The following KCNN3 variants were observed in gnomAD, a reference collection of about 807,000 sequenced individuals.
KCNN3 encodes small conductance calcium-activated potassium channel protein 3.
A neutral mutation model predicts 62.9 loss-of-function variants in KCNN3; 16 were observed. That is an observed-to-expected ratio of 0.25 (90% CI 0.17 to 0.39). KCNN3 has a LOEUF of 0.39. Among genes scored for constraint, KCNN3 ranks in the 10% least tolerant of loss-of-function variants. The probability of loss-of-function intolerance (pLI) is 1.00; values close to 1 mark genes in which losing one functional copy is unlikely to be tolerated. For missense variants in KCNN3, 599 were observed against 949.4 expected (o/e 0.63, Z 4.85); for synonymous variants, 370 against 389.2 (o/e 0.95, Z 0.58).
In KCNN3 at chr1:154,701,895, T is replaced by C. The variant is rs747207397; in HGVS notation, c.*6081A>G. ...TACAGGAAAACAGGACTCTTTCTTA[T>C]GTCCAATTCTGACATTGTCAAAGGA... is the stretch of plus-strand genomic sequence containing the variant. On this transcript the variant is annotated 3_prime_UTR_variant, in exon 8 of 8. Coordinates refer to ENST00000271915, the MANE Select transcript of KCNN3 (RefSeq NM_002249.6). 1.3e-5 allele frequency: 2 copies of C among 152,360 alleles called. No homozygotes were observed. The highest frequency in any genetic ancestry group is 4.1e-4 in the South Asian group (2 of 4,822). 9.4% of individuals were successfully genotyped at this position (152,360 alleles called of 1,614,324 possible).
chr1:154,825,212 A>C (rs1651055540), intron 1 of KCNN3, among the ~76,000 whole-genome samples: 1 of 152,096 alleles, frequency 6.6e-6, no homozygotes, highest in Non-Finnish European at 1.5e-5. Flanking sequence ...ACTCACTCCT[A>C]TCTGAGGACC....
chr1:154,756,587 C>T (rs1353388587), intron 3 of KCNN3, among the ~76,000 whole-genome samples: 1 of 152,088 alleles, frequency 6.6e-6, no homozygotes, highest in African/African-American at 2.4e-5. Context: ...AGAAGGCTCA[C>T]CCTCTTGGTC....
Position 154,703,653 on chromosome 1 carries a change from T to G in KCNN3, c.*4323A>C, listed in dbSNP as rs1027678469. 1 of 152,052 alleles carries G rather than the reference T, an allele frequency of 6.6e-6. No homozygotes were observed. Among genetic ancestry groups the G allele is most frequent in the African/African-American group, 2.4e-5 (1 of 41,374 alleles). 9.4% of individuals were successfully genotyped at this position (152,052 alleles called of 1,614,324 possible). ...TGAAACATTGATTCTTAATTTGGAG[T>G]GTACTGTTTGTTGAGTTGCACTCTG... On this transcript the variant is annotated 3_prime_UTR_variant, in exon 8 of 8. Transcript: ENST00000271915.
intron 2 of KCNN3, among the ~76,000 whole-genome samples, chr1:154,784,673 C>A (rs1325279204): frequency 6.6e-6 from 1 of 152,238 alleles, no homozygotes; most frequent in African/African-American, 2.4e-5. Flanking sequence ...GCCCCCGTTT[C>A]AGGGGGCGGA....
chr1:154,736,196 G>A (rs1248631070), intron 3 of KCNN3, among the ~76,000 whole-genome samples: 1 of 152,176 alleles, frequency 6.6e-6, no homozygotes. Flanking sequence ...CCAATGATGG[G>A]AGGATTAAGT....
chr1:154,857,823 TAATA>T (rs1159353313), intron 1 of KCNN3, among the ~76,000 whole-genome samples: 1 of 152,226 alleles, frequency 6.6e-6, no homozygotes, highest in African/African-American at 2.4e-5. Flanking sequence ...AGTAGGCCCT[TAATA>T]AATATTCTCT....
intron 2 of KCNN3, among the ~76,000 whole-genome samples, chr1:154,780,719 T>C (rs1649005838): frequency 6.6e-6 from 1 of 151,982 alleles, no homozygotes; most frequent in South Asian, 2.1e-4. Flanking sequence ...TAATTAGGTT[T>C]CCCTGAGGAC....
intron 1 of KCNN3, among the ~76,000 whole-genome samples, chr1:154,825,435 A>G (rs1444854206): frequency 7.0e-6 from 1 of 142,040 alleles, no homozygotes; most frequent in Non-Finnish European, 1.5e-5. Context: ...GCACGATCTC[A>G]GCTCACTGCA....
chr1:154,760,645 G>T lies in KCNN3; in HGVS notation c.1448+11330C>A, dbSNP rs557757785. Among the ~76,000 whole-genome samples, 362 of 152,264 alleles carry T rather than the reference G, an allele frequency of 2.4e-3. 4 individuals carry two copies. Among genetic ancestry groups the T allele is most frequent in the Admixed American group, 4.3e-3 (66 of 15,304 alleles). ...CTCTCCCGGGCCCCGGCCTCTCCAC[G>T]ACCGCCTGGCCGCGCGGGAACCACC... On this transcript the variant is annotated intron_variant, in intron 3 of 7. Transcript: ENST00000271915.
chr1:154,747,167 G>A (rs941176208), intron 3 of KCNN3, among the ~76,000 whole-genome samples: 13 of 152,160 alleles, frequency 8.5e-5, no homozygotes, highest in African/African-American at 3.1e-4. Flanking sequence ...GTCCGGTGGA[G>A]GTTGGCTCCT....
intron 2 of KCNN3, among the ~76,000 whole-genome samples, chr1:154,787,592 C>T (rs1649337520): frequency 6.6e-6 from 1 of 152,154 alleles, no homozygotes; most frequent in African/African-American, 2.4e-5. Flanking sequence ...ATTTGCAATT[C>T]GGGGTCTGTG....
intron 2 of KCNN3, among the ~76,000 whole-genome samples, chr1:154,799,565 A>G (rs1230319753): frequency 6.6e-6 from 1 of 152,182 alleles, no homozygotes; most frequent in Non-Finnish European, 1.5e-5. Flanking sequence ...AAGTGAAGCC[A>G]CCAGGGTTGT....
chr1:154,799,667 A>G (rs1649872973), intron 2 of KCNN3, among the ~76,000 whole-genome samples: 1 of 152,162 alleles, frequency 6.6e-6, no homozygotes, highest in Middle Eastern at 3.2e-3. Context: ...AAGCAAGGAG[A>G]GCCTCCACTG....
At chr1:154,709,069 C>T (rs1336153437) in intron 7 of KCNN3, among the ~76,000 whole-genome samples, 1 of 152,086 alleles carries the variant, frequency 6.6e-6, no homozygotes, top group Non-Finnish European at 1.5e-5. Context: ...AGGGTGCTCC[C>T]CTGAGAGCTC....
chr1:154,869,038 G>A lies in KCNN3; in HGVS notation c.927C>T (p.Tyr309=). The change falls in exon 1 of 8, where the codon TAC becomes TAT. Residue 309 remains tyrosine (Y), a synonymous_variant. Coordinates refer to ENST00000271915, the MANE Select transcript of KCNN3 (RefSeq NM_002249.6). This position sits in a 1 kb window ranked among gnomAD's most constrained non-coding sequence, Gnocchi z 6.1. ...VIETELSWGL[Y]SKDSMFSLAL... ...GAGAAACCACAGCCCCTACCTTTGA[G>A]TACAAACCCCAAGAGAGCTCGGTCT... The A allele has an allele frequency of 6.2e-7, 1 of 1,613,938 alleles. No homozygotes were observed.
intron 1 of KCNN3, among the ~76,000 whole-genome samples, chr1:154,845,696 A>G (rs547812881): frequency 3.9e-5 from 6 of 151,982 alleles, no homozygotes; most frequent in Admixed American, 3.9e-4. Flanking sequence ...AAACACACAC[A>G]CACACTTCCC....
intron 1 of KCNN3, among the ~76,000 whole-genome samples, chr1:154,866,745 C>A (rs1435648959): frequency 1.3e-5 from 2 of 152,250 alleles, no homozygotes; most frequent in African/African-American, 4.8e-5. Flanking sequence ...TCAGCTACTG[C>A]CCCCTCGGTG....
intron 7 of KCNN3, among the ~76,000 whole-genome samples, chr1:154,709,060 G>T (rs1308866522): frequency 6.6e-6 from 1 of 152,024 alleles, no homozygotes; most frequent in South Asian, 2.1e-4. Context: ...GGGGTCCTGA[G>T]GGTGCTCCCC....
chr1:154,753,639 G>A (rs531233875), intron 3 of KCNN3, among the ~76,000 whole-genome samples: 7 of 152,292 alleles, frequency 4.6e-5, no homozygotes, highest in Admixed American at 1.3e-4. Flanking sequence ...GAGCCTCCTT[G>A]AGCCACCACA....
Sources: allele counts gnomAD v4.1 joint callset (sites outside exome capture counted in the v4.1 genomes callset), GRCh38; gene constraint gnomAD v4.1.1; non-coding constraint Gnocchi (gnomAD v3.1); transcripts MANE v1.5; gene names NCBI Gene and HGNC (gene_info 2026-07-23, HGNC 2026-07-21).